The following DIAPH2 variants were observed in gnomAD, a reference collection of about 807,000 sequenced individuals.
DIAPH2 encodes the protein protein diaphanous homolog 2.
Under a neutral mutation model 92.7 loss-of-function variants are expected in DIAPH2, and 35 were observed. That is an observed-to-expected ratio of 0.38 (90% CI 0.29 to 0.50). The LOEUF (loss-of-function observed/expected upper bound fraction) is 0.50, where lower values mean the gene tolerates loss of function less well. Among genes scored for constraint, DIAPH2 ranks in the 20% least tolerant of loss-of-function variants. The pLI is 0.94. For missense variants in DIAPH2, 701 were observed against 819.5 expected (o/e 0.86, Z 1.77); for synonymous variants, 301 against 280.4 (o/e 1.07, Z -0.73).
At chrX:97,148,906 T>C (rs1362624798) in intron 22 of DIAPH2, among the ~76,000 whole-genome samples, 1 of 111,135 alleles carries the variant, frequency 9.0e-6, no homozygotes, top group Non-Finnish European at 1.9e-5. Context: ...AATGGTGAAA[T>C]TGGAAACAAT....
intron 23 of DIAPH2, among the ~76,000 whole-genome samples, chrX:97,261,832 C>G (rs2068290306): frequency 9.0e-6 from 1 of 111,553 alleles, no homozygotes; most frequent in South Asian, 3.7e-4. Context: ...GCATCACTTT[C>G]AGCTCTAAAA....
At chrX:97,175,407 T>C (rs984731891) in intron 22 of DIAPH2, among the ~76,000 whole-genome samples, 18 of 111,819 alleles carry the variant, frequency 1.6e-4, no homozygotes, top group African/African-American at 5.8e-4. Flanking sequence ...ATTTGACCAA[T>C]TGAATAAAAA....
At chrX:96,953,371 A>G (rs764391330) in intron 15 of DIAPH2, among the ~76,000 whole-genome samples, 1 of 111,370 alleles carries the variant, frequency 9.0e-6, no homozygotes, top group East Asian at 2.8e-4. Context: ...TGTCAGGTAA[A>G]TAAAACACCT....
intron 1 of DIAPH2, among the ~76,000 whole-genome samples, chrX:96,719,876 A>G (rs1389125372): frequency 1.8e-5 from 2 of 112,331 alleles, no homozygotes; most frequent in East Asian, 5.6e-4. Flanking sequence ...AAAGTAAAAA[A>G]TGAAAACACA....
intron 4 of DIAPH2, among the ~76,000 whole-genome samples, chrX:96,865,631 C>A (rs990127713): frequency 8.9e-6 from 1 of 111,864 alleles, no homozygotes; most frequent in African/African-American, 3.3e-5. Flanking sequence ...TGGAAGGAGT[C>A]CAAATAGTCC....
intron 21 of DIAPH2, among the ~76,000 whole-genome samples, chrX:97,140,582 G>A (rs760239076): frequency 4.5e-5 from 5 of 111,890 alleles, no homozygotes; most frequent in African/African-American, 1.3e-4. Context: ...GGAACCTTGA[G>A]ACTAATATTT....
At chrX:96,983,975 T>G (rs1294845134) in intron 17 of DIAPH2, among the ~76,000 whole-genome samples, 1 of 111,935 alleles carries the variant, frequency 8.9e-6, no homozygotes, top group Non-Finnish European at 1.9e-5. Flanking sequence ...TGGACCCTAG[T>G]TAGAATCTAA....
intron 3 of DIAPH2, among the ~76,000 whole-genome samples, chrX:96,748,380 G>C (rs907684975): frequency 8.9e-6 from 1 of 112,030 alleles, no homozygotes; most frequent in African/African-American, 3.2e-5. Flanking sequence ...ATAGCACTAG[G>C]ATAGCTGTGA....
At chrX:96,878,144 ATTTTG>A (rs753990572) in intron 4 of DIAPH2, among the ~76,000 whole-genome samples, 1 of 111,654 alleles carries the variant, frequency 9.0e-6, no homozygotes, top group Non-Finnish European at 1.9e-5. Context: ...GTATTGCACT[ATTTTG>A]TTTTTAGGTG....
chrX:97,543,222 G>A (rs1460226591), intron 26 of DIAPH2, among the ~76,000 whole-genome samples: 4 of 111,954 alleles, frequency 3.6e-5, no homozygotes, highest in African/African-American at 1.3e-4. Context: ...AGGGAGCTCA[G>A]GCTTCTTACA....
intron 23 of DIAPH2, among the ~76,000 whole-genome samples, chrX:97,330,721 C>T (rs905298702): frequency 1.8e-5 from 2 of 110,957 alleles, no homozygotes; most frequent in African/African-American, 6.6e-5. Context: ...CCATGTTGGT[C>T]AGGATGGTCT....
intron 23 of DIAPH2, among the ~76,000 whole-genome samples, chrX:97,327,137 T>C (rs1431482637): frequency 8.9e-6 from 1 of 111,893 alleles, no homozygotes; most frequent in Non-Finnish European, 1.9e-5. Context: ...CTCACTCTGT[T>C]GCCCAGGCTG....
intron 25 of DIAPH2, among the ~76,000 whole-genome samples, chrX:97,422,904 G>A (rs974282217): frequency 6.2e-5 from 7 of 112,180 alleles, no homozygotes; most frequent in African/African-American, 1.9e-4. Context: ...CAGTTTCAGC[G>A]ATGCTGGCAG....
intron 17 of DIAPH2, among the ~76,000 whole-genome samples, chrX:97,061,897 T>C (rs2066601771): frequency 9.0e-6 from 1 of 110,500 alleles, no homozygotes; most frequent in Non-Finnish European, 1.9e-5. Context: ...TTTTTTCTTT[T>C]CCCGTCTTCT....
chrX:97,368,630 C>G (rs1166292666), intron 24 of DIAPH2, among the ~76,000 whole-genome samples: 1 of 111,291 alleles, frequency 9.0e-6, no homozygotes, highest in Non-Finnish European at 1.9e-5. Context: ...TGTCTCTGCC[C>G]TTTGAGTCGT....
At position 96,912,506 on chromosome X, in the gene DIAPH2, A is replaced by G; in HGVS notation, c.686A>G (p.Asn229Ser). The change falls in exon 7 of 27, where the codon AAT (asparagine) becomes AGT (serine). Residue 229 changes from asparagine (N) to serine (S), a missense_variant. This residue lies in a region of DIAPH2 where 34 missense variants were observed against 74.7 expected (regional missense o/e 0.46). Coordinates refer to ENST00000324765, the MANE Select transcript of DIAPH2 (RefSeq NM_006729.5). ...AGGCAAGAAAATATTGACAAGAAGA[A>G]TCAGTATAAACTTATTCAATGCCTC... ...KKQQENIDKK[N>S]QYKLIQCLKA... 2 of 1,203,339 alleles carry G rather than the reference A, an allele frequency of 1.7e-6. No homozygotes were observed. The highest frequency in any genetic ancestry group is 1.8e-5 in the South Asian group (1 of 55,020).
intron 20 of DIAPH2, among the ~76,000 whole-genome samples, chrX:97,110,314 C>T (rs548089327): frequency 1.8e-5 from 2 of 111,559 alleles, no homozygotes; most frequent in African/African-American, 3.3e-5. Flanking sequence ...CTGCCAACTC[C>T]AATACTTCTA....
At position 97,075,045 on chromosome X, in the gene DIAPH2, A is replaced by G; in HGVS notation, c.2153-122A>G. 3 of 411,638 alleles carry G rather than the reference A, an allele frequency of 7.3e-6. No homozygotes were observed. The South Asian group carries it at 1.1e-4, about 15-fold the overall frequency. The allele number at this position is 411,638 out of a possible 1,213,427, so 33.9% of individuals were successfully genotyped here. A position where few individuals can be genotyped will look rare whatever the true frequency, so the allele number is the denominator to read the frequency against. On this transcript the variant is annotated intron_variant, in intron 18 of 26. Transcript: ENST00000324765. ...CAAATGGAACAACTTTTGTTTGTTC[A>G]TAATTCTGTATATTAGTGACAAATT... is the stretch of plus-strand genomic sequence containing the variant.
chrX:96,965,393 A>C (rs1438652500), intron 17 of DIAPH2, among the ~76,000 whole-genome samples, 186 bp downstream of exon 17: 1 of 111,855 alleles, frequency 8.9e-6, no homozygotes, highest in East Asian at 2.8e-4. Context: ...TTTACCTTTG[A>C]ATTTTATTAT....
Sources: gnomAD v4.1 joint callset for allele counts (sites outside exome capture counted in the v4.1 genomes callset) on GRCh38, gnomAD v4.1.1 for gene constraint, gnomAD v4.1.1 regional missense constraint, MANE v1.5 for transcripts, NCBI Gene and HGNC (gene_info 2026-07-23, HGNC 2026-07-21) for gene names.